PTPRB: variants seen among roughly 807,000 people sequenced by gnomAD.
PTPRB encodes the protein receptor-type tyrosine-protein phosphatase beta.
A neutral mutation model predicts 238.1 loss-of-function variants in PTPRB; 97 were observed. That is an observed-to-expected ratio of 0.41 (90% CI 0.35 to 0.48). The LOEUF (loss-of-function observed/expected upper bound fraction) is 0.48. PTPRB is among the 20% of genes least tolerant of loss of function. The pLI is 0.30. For synonymous variants in PTPRB, 970 were observed against 995.4 expected (o/e 0.97, Z 0.48); for missense variants, 2,292 against 2,681.9 (o/e 0.85, Z 3.21).
At chr12:70,536,988 C>T (rs113414073) in intron 28 of PTPRB, among the ~76,000 whole-genome samples, 2,384 of 152,256 alleles carry the variant, frequency 0.016, 70 homozygotes, top group African/African-American at 0.054. Context: ...AGAGGCTTGT[C>T]AGAAATGCAG....
chr12:70,583,759 T>C (rs1264613435), intron 9 of PTPRB, among the ~76,000 whole-genome samples: 1 of 152,146 alleles, frequency 6.6e-6, no homozygotes, highest in Non-Finnish European at 1.5e-5. Flanking sequence ...AAAGTAGGTC[T>C]GGTTTGATAG....
chr12:70,609,153 T>C lies in PTPRB; in HGVS notation c.895A>G (p.Asn299Asp), dbSNP rs1206380300. 5 of 1,613,900 alleles carry C rather than the reference T, an allele frequency of 3.1e-6. No individual in the cohort carries two copies. The African/African-American group carries it at 6.7e-5, about 22-fold the overall frequency. ...FRIDNTTYGCNLQDLQAGTIY... is the reference protein window; with the variant it reads ...FRIDNTTYGCDLQDLQAGTIY... ...GTTCCTGCTTGTAAATCTTGAAGGT[T>C]ACATCCGTATGTGGTGTTGTCTATC... Residue 299 changes from asparagine to aspartate, a missense_variant, in exon 4 of 34, where the codon AAC becomes GAC. Coordinates refer to ENST00000334414, the MANE Select transcript of PTPRB (RefSeq NM_001109754.4).
intron 14 of PTPRB, 114 bp downstream of exon 14, chr12:70,569,561 C>T: frequency 7.8e-7 from 1 of 1,289,630 alleles, no homozygotes; most frequent in Admixed American, 1.9e-5. Context: ...TTGAATTGTA[C>T]AAACTTTGGT....
rs1566023314 is a variant in PTPRB at position 70,626,362 on chromosome 12, T to TATTC, written c.452-3717_452-3716insGAAT. ...ATCTATCTATCTATCTATCTATCTA[T>TATTC]CTATATTCCTGCCTGCCTGCCTGCC... On this transcript the variant is annotated intron_variant, in intron 2 of 33. Transcript: ENST00000334414. 1.1e-3 allele frequency among the ~76,000 whole-genome samples: 133 copies of TATTC among 116,624 alleles called. 4 individuals carry two copies. Among genetic ancestry groups the TATTC allele is most frequent in the Admixed American group, 9.0e-3 (105 of 11,662 alleles). The allele number at this position is 116,624 out of a possible 152,430, so 76.5% of individuals were successfully genotyped here.
At chr12:70,611,837 CTG>C (rs1387535328) in intron 3 of PTPRB, among the ~76,000 whole-genome samples, 1 of 152,140 alleles carries the variant, frequency 6.6e-6, no homozygotes, top group Non-Finnish European at 1.5e-5. Flanking sequence ...AACTTTTACT[CTG>C]TATTTTGTGC....
chr12:70,538,752 C>A, intron 27 of PTPRB, 172 bp downstream of exon 27: 1 of 610,478 alleles, frequency 1.6e-6, no homozygotes, highest in Non-Finnish European at 2.9e-6. Context: ...GGCTATTATC[C>A]CTCTGGAGGG....
chr12:70,609,035 G>T, intron 4 of PTPRB, 34 bp downstream of exon 4: 1 of 1,609,282 alleles, frequency 6.2e-7, no homozygotes, highest in Non-Finnish European at 8.5e-7. Context: ...ACCCCGTGTG[G>T]CTTGGCCATC....
Position 70,517,686 on chromosome 12 carries a change from G to GT in PTPRB, c.*3802dup, listed in dbSNP as rs1871298570. The GT allele has an allele frequency of 6.6e-6, 1 of 152,116 alleles. No homozygotes were observed. The highest frequency in any genetic ancestry group is 2.4e-5 in the African/African-American group (1 of 41,416). 9.4% of individuals were successfully genotyped at this position (152,116 alleles called of 1,614,324 possible). A position where few individuals can be genotyped will look rare whatever the true frequency, so the allele number is the denominator to read the frequency against. On this transcript the variant is annotated 3_prime_UTR_variant, in exon 34 of 34. Transcript: ENST00000334414. Reference sequence around the variant, plus strand: ...CTTGAACTGCTATCATATACAAGCAGTTTATTACCTATTGATTTTCACCAG... The same window carrying GT: ...CTTGAACTGCTATCATATACAAGCAGTTTTATTACCTATTGATTTTCACCAG...
chr12:70,594,420 C>T lies in PTPRB; in HGVS notation c.1516+47G>A. 1.9e-6 allele frequency: 3 copies of T among 1,599,882 alleles called. No homozygotes were observed. In the East Asian group the frequency reaches 6.7e-5, roughly 36 times the overall value. Reference sequence around the variant, plus strand: ...TAATAAACTTGACTTATTAAACATTCCCTTGATTTCACTTTATTCTTCTTC... The same window carrying T: ...TAATAAACTTGACTTATTAAACATTTCCTTGATTTCACTTTATTCTTCTTC... On this transcript the variant is annotated intron_variant, in intron 6 of 33. Transcript: ENST00000334414.
In PTPRB at chr12:70,592,520, C is replaced by A; in HGVS notation, c.1542G>T (p.Lys514Asn). 6.2e-7 allele frequency: 1 copy of A among 1,613,740 alleles called. No homozygotes were observed. The highest frequency in any genetic ancestry group is 8.5e-7 in the Non-Finnish European group (1 of 1,179,812). ...AGGTCAAACTGCCATCATTTGTCAC[C>A]TTCAGATTTGAGACTTCCATGGGGG... ...RTAPMEVSNL[K>N]VTNDGSLTSL... Residue 514 changes from lysine to asparagine, a missense_variant, in exon 7 of 34, where the codon AAG becomes AAT. Coordinates refer to ENST00000334414, the MANE Select transcript of PTPRB (RefSeq NM_001109754.4).
At chr12:70,579,664 TC>T (rs1171430985) in intron 10 of PTPRB, among the ~76,000 whole-genome samples, 1 of 131,664 alleles carries the variant, frequency 7.6e-6, no homozygotes, top group East Asian at 2.2e-4. Flanking sequence ...GCCACTGCAC[TC>T]CAGCCTGGCG....
chr12:70,566,841 G>T, intron 14 of PTPRB, 137 bp from the exon 15 acceptor site: 1 of 913,298 alleles, frequency 1.1e-6, no homozygotes, highest in Non-Finnish European at 1.7e-6. Context: ...GACACTTTCT[G>T]TGTGCCCTTA....
intron 4 of PTPRB, among the ~76,000 whole-genome samples, chr12:70,604,634 T>G (rs1394249698): frequency 6.6e-6 from 1 of 152,232 alleles, no homozygotes; most frequent in Non-Finnish European, 1.5e-5. Flanking sequence ...GGGGATGAAT[T>G]GTGTCCCCAC....
chr12:70,577,048 T>C (rs1880863417), intron 10 of PTPRB, among the ~76,000 whole-genome samples: 1 of 152,136 alleles, frequency 6.6e-6, no homozygotes, highest in Non-Finnish European at 1.5e-5. Flanking sequence ...AACTTACCAA[T>C]AAAGCAAAAA....
chr12:70,523,412 G>GTT (rs1170244510), intron 33 of PTPRB, among the ~76,000 whole-genome samples: 16 of 150,470 alleles, frequency 1.1e-4, no homozygotes, highest in African/African-American at 3.9e-4. Context: ...TTTTTTTTTT[G>GTT]TTTTGTATAT....
chr12:70,545,838 A>T (rs1875875606), intron 21 of PTPRB, among the ~76,000 whole-genome samples: 1 of 152,220 alleles, frequency 6.6e-6, no homozygotes, highest in African/African-American at 2.4e-5. Context: ...GGGATCATTG[A>T]TAGAAATAAG....
chr12:70,594,177 G>T (rs11837986), intron 6 of PTPRB, among the ~76,000 whole-genome samples: 2,095 of 152,276 alleles, frequency 0.014, 45 homozygotes, highest in African/African-American at 0.048. Flanking sequence ...TTAAGAAAAG[G>T]AAGTAGGAAT....
intron 21 of PTPRB, among the ~76,000 whole-genome samples, chr12:70,548,760 A>G (rs1403732485): frequency 1.3e-5 from 2 of 152,124 alleles, no homozygotes; most frequent in Non-Finnish European, 2.9e-5. Context: ...CTCTCGTCCT[A>G]TCATCCCAGT....
Position 70,595,984 on chromosome 12 carries a change from T to G in PTPRB, c.1258+65A>C, listed in dbSNP as rs558500737. On this transcript the variant is annotated intron_variant, in intron 5 of 33. Coordinates refer to ENST00000334414, the MANE Select transcript of PTPRB (RefSeq NM_001109754.4). ...GGAGTAGCAATCTTACTCCTATTCC[T>G]TGAATAAAGTATAACTTGAAAAGTA... 32 of 1,360,960 alleles carry G rather than the reference T, an allele frequency of 2.4e-5. No homozygotes were observed. In the South Asian group the frequency reaches 5.1e-4, roughly 22 times the overall value. 84.3% of individuals were successfully genotyped at this position (1,360,960 alleles called of 1,614,324 possible).
Sources: gnomAD v4.1 joint callset for allele counts (sites outside exome capture counted in the v4.1 genomes callset) on GRCh38, gnomAD v4.1.1 for gene constraint, MANE v1.5 for transcripts, NCBI Gene and HGNC (gene_info 2026-07-23, HGNC 2026-07-21) for gene names.